The following NRXN1 variants were observed in gnomAD, a reference collection of about 807,000 sequenced individuals.
NRXN1 encodes neurexin 1, also known as neurexin-1.
In NRXN1, 39 loss-of-function variants were observed where a neutral mutation model predicts 150.9. The ratio of observed to expected loss-of-function variants is 0.26; its 90% confidence interval spans 0.20 to 0.34. The LOEUF is 0.34. NRXN1 is among the 10% of genes least tolerant of loss of function. The pLI, the probability that NRXN1 is intolerant of heterozygous loss-of-function variation, is 1.00. For missense variants in NRXN1, 1,815 were observed against 1,949.9 expected, an observed-to-expected ratio of 0.93 and a Z score of 1.30; for synonymous variants, 924 against 757.0, an observed-to-expected ratio of 1.22 and a Z score of -3.62.
chr2:50,845,094 G>C (rs1673447928), intron 5 of NRXN1, among the ~76,000 whole-genome samples: 1 of 152,138 alleles, frequency 6.6e-6, no homozygotes, highest in Non-Finnish European at 1.5e-5. Flanking sequence ...AGGTTCAAGT[G>C]ATCCTCCCTC....
intron 5 of NRXN1, among the ~76,000 whole-genome samples, chr2:50,916,524 A>C (rs1685238441): frequency 6.6e-6 from 1 of 151,650 alleles, no homozygotes; most frequent in South Asian, 2.1e-4. Flanking sequence ...TAAATAACAT[A>C]AAGTCATTAT....
At chr2:50,963,151 T>C (rs1285961952) in intron 2 of NRXN1, among the ~76,000 whole-genome samples, 1 of 151,634 alleles carries the variant, frequency 6.6e-6, no homozygotes, top group Admixed American at 6.6e-5. Context: ...TTCTTTAATC[T>C]GACTAGGAAT....
intron 8 of NRXN1, among the ~76,000 whole-genome samples, chr2:50,590,484 G>A (rs1241271444): frequency 2.0e-5 from 3 of 152,218 alleles, no homozygotes; most frequent in Admixed American, 6.5e-5. Context: ...ATGAGAGTGT[G>A]GGAGAATGTA....
At chr2:50,933,340 A>G (rs1688050902) in intron 2 of NRXN1, among the ~76,000 whole-genome samples, 1 of 152,148 alleles carries the variant, frequency 6.6e-6, no homozygotes, top group Non-Finnish European at 1.5e-5. Flanking sequence ...CACATAAAAT[A>G]TATTTGCTCT....
chr2:50,752,521 G>A (rs1051960585), intron 5 of NRXN1, among the ~76,000 whole-genome samples: 4 of 151,846 alleles, frequency 2.6e-5, no homozygotes, highest in South Asian at 4.1e-4. Flanking sequence ...GAGATGAATC[G>A]TGAAGCAATC....
Position 49,921,897 on chromosome 2 carries a change from T to A in NRXN1, c.*47A>T. 6.3e-7 allele frequency: 1 copy of A among 1,578,258 alleles called. No individual in the cohort carries two copies. Among genetic ancestry groups the A allele is most frequent in the Non-Finnish European group, 8.7e-7 (1 of 1,149,158 alleles). On this transcript the variant is annotated 3_prime_UTR_variant, in exon 23 of 23. Transcript: ENST00000401669. ...AAATAAGTTTATATTATGTCTCAGA[T>A]AAAATGAAGACTATTTCTATACAAG...
In NRXN1 at chr2:50,736,125, G is replaced by A. The variant is rs572113224; in HGVS notation, c.833-112510C>T. Among the ~76,000 whole-genome samples, 9 of 152,182 alleles carry A rather than the reference G, an allele frequency of 5.9e-5. No individual in the cohort carries two copies. The East Asian group carries it at 9.7e-4, about 16-fold the overall frequency. On this transcript the variant is annotated intron_variant, in intron 5 of 22. Transcript: ENST00000401669. ...TCACATTTCAACCCCCCTGCTTCCC[G>A]TATTTCAGCTACTATGGAACTTCAT...
intron 5 of NRXN1, among the ~76,000 whole-genome samples, chr2:50,644,657 G>C (rs1351456811): frequency 6.6e-6 from 1 of 151,164 alleles, no homozygotes; most frequent in African/African-American, 2.4e-5. Flanking sequence ...CAGGTTAAAA[G>C]AAAATTATTC....
intron 5 of NRXN1, among the ~76,000 whole-genome samples, chr2:50,859,838 T>TGTGTGTGTG (rs1675856963): frequency 2.7e-5 from 4 of 147,572 alleles, no homozygotes; most frequent in African/African-American, 1.0e-4. Flanking sequence ...ACAATTATGT[T>TGTGTGTGTG]TGTGTGTGTG....
At chr2:50,909,743 A>G (rs1684263788) in intron 5 of NRXN1, among the ~76,000 whole-genome samples, 1 of 151,980 alleles carries the variant, frequency 6.6e-6, no homozygotes, top group Non-Finnish European at 1.5e-5. Flanking sequence ...AAGGGATTAT[A>G]TATTTTTTCC....
At chr2:50,905,912 C>A (rs756290772) in intron 5 of NRXN1, among the ~76,000 whole-genome samples, 1 of 151,982 alleles carries the variant, frequency 6.6e-6, no homozygotes, top group African/African-American at 2.4e-5. Context: ...AATAACTTCC[C>A]CAATATTGCT....
intron 19 of NRXN1, among the ~76,000 whole-genome samples, chr2:50,075,566 G>T (rs1187665380): frequency 6.6e-6 from 1 of 152,196 alleles, no homozygotes; most frequent in Admixed American, 6.5e-5. Flanking sequence ...GCATATTACA[G>T]GAGGTGACAA....
chr2:49,934,689 G>T (rs1350948205), intron 22 of NRXN1, among the ~76,000 whole-genome samples: 2 of 152,166 alleles, frequency 1.3e-5, no homozygotes, highest in Non-Finnish European at 2.9e-5. Flanking sequence ...GTGTGGGTAG[G>T]TGTGCCTGGT....
At chr2:50,864,329 C>G (rs1676562904) in intron 5 of NRXN1, among the ~76,000 whole-genome samples, 3 of 151,980 alleles carry the variant, frequency 2.0e-5, no homozygotes, top group African/African-American at 7.2e-5. Context: ...CACACATGAA[C>G]TTCAGCCTGA....
intron 18 of NRXN1, among the ~76,000 whole-genome samples, 159 bp downstream of exon 18, chr2:50,236,630 T>G (rs1436095661): frequency 6.7e-6 from 1 of 149,168 alleles, no homozygotes; most frequent in African/African-American, 2.5e-5. Flanking sequence ...ACTACAGCAA[T>G]AGGTATATGG....
chr2:50,846,128 T>G (rs1673619257), intron 5 of NRXN1, among the ~76,000 whole-genome samples: 1 of 152,194 alleles, frequency 6.6e-6, no homozygotes, highest in Admixed American at 6.5e-5. Context: ...AAAATTTTTT[T>G]TCATTGATTT....
At chr2:50,302,604 G>A (rs1448631829) in intron 17 of NRXN1, among the ~76,000 whole-genome samples, 1 of 152,114 alleles carries the variant, frequency 6.6e-6, no homozygotes, top group African/African-American at 2.4e-5. Context: ...CTGGGAAGTT[G>A]TATTAGTATC....
At chr2:49,936,308 A>G (rs1671017610) in intron 22 of NRXN1, among the ~76,000 whole-genome samples, 1 of 152,218 alleles carries the variant, frequency 6.6e-6, no homozygotes, top group Non-Finnish European at 1.5e-5. Flanking sequence ...TTTTTTACTC[A>G]GATCAAATGC....
intron 18 of NRXN1, among the ~76,000 whole-genome samples, chr2:50,159,623 T>A (rs541633176): frequency 6.6e-6 from 1 of 152,292 alleles, no homozygotes; most frequent in African/African-American, 2.4e-5. Context: ...ATTCTTATAA[T>A]AAGCATTGCC....
Sources: allele counts gnomAD v4.1 joint callset (sites outside exome capture counted in the v4.1 genomes callset), GRCh38; gene constraint gnomAD v4.1.1; transcripts MANE v1.5; gene names NCBI Gene and HGNC (gene_info 2026-07-23, HGNC 2026-07-21).